Variants in SF3B1 observed in about 807,000 individuals in gnomAD.
SF3B1 encodes splicing factor 3b subunit 1, also known as pre-mRNA processing 10.
A neutral mutation model predicts 153.8 loss-of-function variants in SF3B1; 12 were observed. The observed-to-expected ratio is 0.08, with a 90% CI of 0.05 to 0.13. SF3B1 has a LOEUF of 0.13. SF3B1 is among the 10% of genes least tolerant of loss of function. The probability of loss-of-function intolerance (pLI) is 1.00; values close to 1 mark genes in which losing one functional copy is unlikely to be tolerated. For missense variants in SF3B1, 513 were observed against 1,606.1 expected (o/e 0.32, Z 11.63); for synonymous variants, 498 against 525.2 (o/e 0.95, Z 0.71).
chr2:197,408,771 A>C, intron 7 of SF3B1, 190 bp from the exon 8 acceptor site: 1 of 565,096 alleles, frequency 1.8e-6, no homozygotes, highest in Non-Finnish European at 3.1e-6. Context: ...AAAAATACAA[A>C]AAGTAGCCAG....
rs368197273 is a variant in SF3B1 at position 197,402,834 on chromosome 2, G to T, written c.1807-8C>A. 1 of 1,612,344 alleles carries T rather than the reference G, an allele frequency of 6.2e-7. No homozygotes were observed. On this transcript the variant is annotated splice_region_variant and splice_polypyrimidine_tract_variant and intron_variant, in intron 13 of 24. Transcript: ENST00000335508. The surrounding 1 kb of genome is among the most constrained non-coding windows in gnomAD (Gnocchi z 4.6). Reference sequence around the variant, plus strand: ...AGTAGCCAGACCAGCAGCCTAAAATGTAAACAAAGAAAGGACAGTCATGAG... The same window carrying T: ...AGTAGCCAGACCAGCAGCCTAAAATTTAAACAAAGAAAGGACAGTCATGAG...
At chr2:197,413,792 ATTG>A (rs1410312933) in intron 6 of SF3B1, among the ~76,000 whole-genome samples, 13 of 151,326 alleles carry the variant, frequency 8.6e-5, no homozygotes, top group East Asian at 5.8e-4. Context: ...TTTTTTTGTT[ATTG>A]TTGTTCTTGT....
chr2:197,391,005 T>C lies in SF3B1; in HGVS notation c.*1298A>G, dbSNP rs963125248. 6.6e-6 allele frequency: 1 copy of C among 152,114 alleles called. No homozygotes were observed. Among genetic ancestry groups the C allele is most frequent in the African/African-American group, 2.4e-5 (1 of 41,422 alleles). The allele number at this position is 152,114 out of a possible 1,614,324, so 9.4% of individuals were successfully genotyped here. On this transcript the variant is annotated 3_prime_UTR_variant, in exon 25 of 25. Coordinates refer to ENST00000335508, the MANE Select transcript of SF3B1 (RefSeq NM_012433.4). ...TATACTAATGCTGCTTGCAGAATTTTTTTTCCCTTTAGAGTTCACAGAAGT... is the reference window on the plus strand; with the variant it reads ...TATACTAATGCTGCTTGCAGAATTTCTTTTCCCTTTAGAGTTCACAGAAGT...
chr2:197,405,987 T>C (rs2084986935), intron 9 of SF3B1, among the ~76,000 whole-genome samples: 1 of 151,934 alleles, frequency 6.6e-6, no homozygotes, highest in Non-Finnish European at 1.5e-5. Flanking sequence ...AACCAAAATG[T>C]TTGCCAAAGC....
chr2:197,424,177 C>T (rs774542087), intron 1 of SF3B1, among the ~76,000 whole-genome samples: 1 of 152,206 alleles, frequency 6.6e-6, no homozygotes, highest in Non-Finnish European at 1.5e-5. Flanking sequence ...ATGTGGCTCA[C>T]GCCTACAATC....
chr2:197,429,708 C>T (rs1030985795), intron 1 of SF3B1, among the ~76,000 whole-genome samples: 8 of 151,538 alleles, frequency 5.3e-5, no homozygotes, highest in Non-Finnish European at 8.8e-5. Context: ...CGCTTGAACC[C>T]GGGAGGCGGA....
At chr2:197,426,086 TTA>T (rs1442558321) in intron 1 of SF3B1, among the ~76,000 whole-genome samples, 1 of 151,692 alleles carries the variant, frequency 6.6e-6, no homozygotes, top group Non-Finnish European at 1.5e-5. Context: ...CTCAAAATTA[TTA>T]TAGTGTGTTG....
chr2:197,432,780 C>A (rs1251499522), intron 1 of SF3B1, among the ~76,000 whole-genome samples: 1 of 151,988 alleles, frequency 6.6e-6, no homozygotes, highest in Non-Finnish European at 1.5e-5. Flanking sequence ...GCAGGACAAT[C>A]GCTTGAACCT....
intron 2 of SF3B1, among the ~76,000 whole-genome samples, chr2:197,421,688 C>T (rs2085244860): frequency 6.6e-6 from 1 of 151,978 alleles, no homozygotes; most frequent in Admixed American, 6.6e-5. Flanking sequence ...GCCTAGGCAA[C>T]AGAGACCCAG....
intron 9 of SF3B1, among the ~76,000 whole-genome samples, chr2:197,406,081 T>TA (rs1491164979): frequency 1.5e-5 from 2 of 132,186 alleles, no homozygotes; most frequent in African/African-American, 6.2e-5. Flanking sequence ...CACAAAGAAA[T>TA]TTTTTTTTTT....
In SF3B1 at chr2:197,402,850, C is replaced by G. The variant is rs754493407; in HGVS notation, c.1807-24G>C. On this transcript the variant is annotated intron_variant, in intron 13 of 24. Coordinates refer to ENST00000335508, the MANE Select transcript of SF3B1 (RefSeq NM_012433.4). This position sits in a 1 kb window ranked among gnomAD's most constrained non-coding sequence, Gnocchi z 4.6. Reference sequence around the variant, plus strand: ...GCCTAAAATGTAAACAAAGAAAGGACAGTCATGAGTTGGTAATATTAATCT... The same window carrying G: ...GCCTAAAATGTAAACAAAGAAAGGAGAGTCATGAGTTGGTAATATTAATCT... 1 of 1,612,172 alleles carries G rather than the reference C, an allele frequency of 6.2e-7. No individual in the cohort carries two copies. Among genetic ancestry groups the G allele is most frequent in the East Asian group, 2.2e-5 (1 of 44,860 alleles).
intron 2 of SF3B1, 144 bp downstream of exon 2, chr2:197,423,662 TAG>T: frequency 2.8e-6 from 2 of 707,578 alleles, no homozygotes; most frequent in Non-Finnish European, 4.6e-6. Context: ...TTCTGAACCT[TAG>T]AGAGGATACC....
At chr2:197,407,780 C>T (rs540079805) in intron 9 of SF3B1, among the ~76,000 whole-genome samples, 1 of 152,160 alleles carries the variant, frequency 6.6e-6, no homozygotes, top group South Asian at 2.1e-4. Context: ...TAGACCCATA[C>T]ACAAGTCTTT....
At position 197,400,700 on chromosome 2, in the gene SF3B1, A is replaced by C. The variant is rs563374113; in HGVS notation, c.2718+15T>G. On this transcript the variant is annotated intron_variant, in intron 18 of 24. Transcript: ENST00000335508. This position sits in a 1 kb window ranked among gnomAD's most constrained non-coding sequence, Gnocchi z 5.0. Reference sequence around the variant, plus strand: ...ATTAAAGTTAGTAGCAATGTGCCATAATAGTTTTCATTACCTCTGTAGTCT... The same window carrying C: ...ATTAAAGTTAGTAGCAATGTGCCATCATAGTTTTCATTACCTCTGTAGTCT... 2 of 1,535,070 alleles carry C rather than the reference A, an allele frequency of 1.3e-6. No individual in the cohort carries two copies. The highest frequency in any genetic ancestry group is 1.7e-5 in the Admixed American group (1 of 59,294).
intron 6 of SF3B1, among the ~76,000 whole-genome samples, chr2:197,410,499 T>TC (rs1268767600): frequency 2.3e-5 from 3 of 129,016 alleles, no homozygotes; most frequent in African/African-American, 9.2e-5. Flanking sequence ...ATCACCTATG[T>TC]AATTTTTTTT....
intron 6 of SF3B1, among the ~76,000 whole-genome samples, chr2:197,414,271 C>G (rs2085114401): frequency 6.6e-6 from 1 of 152,220 alleles, no homozygotes. Context: ...ATACGCAAGT[C>G]TGCGGAACAG....
chr2:197,421,441 GT>G (rs1265481134), intron 2 of SF3B1, among the ~76,000 whole-genome samples: 1 of 152,096 alleles, frequency 6.6e-6, no homozygotes, highest in Non-Finnish European at 1.5e-5. Context: ...AAGACAAAAT[GT>G]TTTTTCAATT....
intron 8 of SF3B1, 41 bp downstream of exon 8, chr2:197,408,328 T>A: frequency 6.4e-7 from 1 of 1,572,268 alleles, no homozygotes; most frequent in African/African-American, 1.4e-5. Flanking sequence ...TTAAATAATT[T>A]ATGGAGAAAA....
chr2:197,406,465 C>A (rs554878220), intron 9 of SF3B1, among the ~76,000 whole-genome samples: 4 of 152,170 alleles, frequency 2.6e-5, no homozygotes, highest in Non-Finnish European at 4.4e-5. Context: ...AAAGTGGATA[C>A]TCTAAAGATG....
Sources: allele counts gnomAD v4.1 joint callset (sites outside exome capture counted in the v4.1 genomes callset), GRCh38; gene constraint gnomAD v4.1.1; non-coding constraint Gnocchi (gnomAD v3.1); transcripts MANE v1.5; gene names NCBI Gene and HGNC (gene_info 2026-07-23, HGNC 2026-07-21).